ZCWPW2: variants seen among roughly 807,000 people sequenced by gnomAD.
The protein encoded by ZCWPW2 is zinc finger CW-type and PWWP domain containing 2.
Under a neutral mutation model 46.6 loss-of-function variants are expected in ZCWPW2, and 45 were observed. The ratio of observed to expected loss-of-function variants is 0.96; its 90% CI spans 0.76 to 1.24. The LOEUF (loss-of-function observed/expected upper bound fraction) is 1.24. Among genes scored for constraint, ZCWPW2 ranks in the 50% most tolerant of loss-of-function variants. The pLI, the probability that ZCWPW2 is intolerant of heterozygous loss-of-function variation, is 0.00. For missense variants in ZCWPW2, 429 were observed against 403.9 expected (o/e 1.06, Z -0.53); for synonymous variants, 152 against 137.1 (o/e 1.11, Z -0.76).
At chr3:28,502,324 A>C (rs1173972744) in intron 6 of ZCWPW2, among the ~76,000 whole-genome samples, 1 of 152,186 alleles carries the variant, frequency 6.6e-6, no homozygotes, top group Non-Finnish European at 1.5e-5. Context: ...GCAAGCAAAG[A>C]ATCCCTTGCT....
Position 28,478,817 on chromosome 3 carries a change from G to C in ZCWPW2, c.496G>C (p.Glu166Gln). 6.6e-7 allele frequency: 1 copy of C among 1,520,436 alleles called. No individual in the cohort carries two copies. The highest frequency in any genetic ancestry group is 8.8e-7 in the Non-Finnish European group (1 of 1,136,578). The allele number at this position is 1,520,436 out of a possible 1,614,324, so 94.2% of individuals were successfully genotyped here. The change falls in exon 5 of 10, where the codon GAA becomes CAA. Residue 166 changes from glutamate to glutamine, a missense_variant. Physicochemically the swap from Glu to Gln is conservative, Grantham distance 29 (BLOSUM62 2). Transcript: ENST00000383768. ...TCTTTTTTCTGTATTTATATAGCCAGAAAAGTGTAAGAATAAAAAGAAGTG... is the reference window on the plus strand; with the variant it reads ...TCTTTTTTCTGTATTTATATAGCCACAAAAGTGTAAGAATAAAAAGAAGTG... ...VGHYSITLKP[E>Q]KCKNKKKWYK...
chr3:28,369,855 G>A (rs1297817032), intron 1 of ZCWPW2, among the ~76,000 whole-genome samples: 1 of 152,200 alleles, frequency 6.6e-6, no homozygotes, highest in South Asian at 2.1e-4. Context: ...CCTCAGCAAT[G>A]GTGGGGGCCC....
rs774679567 is a variant in ZCWPW2 at position 28,413,150 on chromosome 3, A to G, written c.82A>G (p.Lys28Glu). 16 of 1,613,298 alleles carry G rather than the reference A, an allele frequency of 9.9e-6. No individual in the cohort carries two copies. Among genetic ancestry groups the G allele is most frequent in the Admixed American group, 3.3e-5 (2 of 59,896 alleles). The change falls in exon 3 of 10, where the codon AAA (lysine) becomes GAA (glutamate). Residue 28 changes from lysine to glutamate, a missense_variant. By Grantham distance (56) the Lys-to-Glu change is moderately conservative. Coordinates refer to ENST00000383768, the MANE Select transcript of ZCWPW2 (RefSeq NM_001040432.4). ...CTCAGTGGAAAACATGTATGTAAAC[A>G]AAGTGTGGGTTCAATGTGAGAATGA... ...DSSVENMYVN[K>E]VWVQCENENC...
intron 1 of ZCWPW2, among the ~76,000 whole-genome samples, chr3:28,355,214 C>A (rs1252422708): frequency 6.6e-6 from 1 of 151,690 alleles, no homozygotes; most frequent in Non-Finnish European, 1.5e-5. Flanking sequence ...CAATAACAGA[C>A]AAACAGTCAA....
At chr3:28,446,526 G>A (rs759033745) in intron 4 of ZCWPW2, among the ~76,000 whole-genome samples, 2 of 151,888 alleles carry the variant, frequency 1.3e-5, no homozygotes, top group Non-Finnish European at 2.9e-5. Flanking sequence ...AATGAAAGCA[G>A]TACTGAGGGA....
chr3:28,440,458 T>A (rs1474823022), intron 4 of ZCWPW2, among the ~76,000 whole-genome samples: 1 of 152,216 alleles, frequency 6.6e-6, no homozygotes, highest in Non-Finnish European at 1.5e-5. Flanking sequence ...TCTTGATTCC[T>A]GGACCTGTGA....
chr3:28,355,999 G>A (rs1012305382), intron 1 of ZCWPW2, among the ~76,000 whole-genome samples: 3 of 152,172 alleles, frequency 2.0e-5, no homozygotes, highest in African/African-American at 7.2e-5. Flanking sequence ...ATTGACAAAT[G>A]GAATCTAATT....
intron 3 of ZCWPW2, among the ~76,000 whole-genome samples, chr3:28,434,186 A>G (rs1275176424): frequency 6.6e-6 from 1 of 152,174 alleles, no homozygotes; most frequent in Non-Finnish European, 1.5e-5. Context: ...ATGATAAACC[A>G]AATAAAATGA....
chr3:28,427,552 A>C (rs1697067953), intron 3 of ZCWPW2, among the ~76,000 whole-genome samples: 2 of 152,190 alleles, frequency 1.3e-5, no homozygotes. Flanking sequence ...TTAGATCGGC[A>C]TGCAAGATTT....
At chr3:28,468,034 A>C (rs1398407143) in intron 4 of ZCWPW2, among the ~76,000 whole-genome samples, 1 of 152,186 alleles carries the variant, frequency 6.6e-6, no homozygotes, top group Non-Finnish European at 1.5e-5. Flanking sequence ...AGAATTCAAA[A>C]TAGCTGTTTT....
chr3:28,492,886 C>T (rs985182521), intron 6 of ZCWPW2, among the ~76,000 whole-genome samples: 3 of 151,832 alleles, frequency 2.0e-5, no homozygotes, highest in Non-Finnish European at 4.4e-5. Context: ...TGAGATTTCC[C>T]GTGTTGAGTG....
In ZCWPW2 at chr3:28,469,513, A is replaced by G. The variant is rs1400583092; in HGVS notation, c.493-9301A>G. Among the ~76,000 whole-genome samples the G allele has an allele frequency of 2.0e-5, 3 of 152,122 alleles. 1 individual carries two copies. Among genetic ancestry groups the G allele is most frequent in the Non-Finnish European group, 4.4e-5 (3 of 68,010 alleles). The stretch of plus-strand genomic sequence containing the variant: ...TAAAGACACAGGTAGACTGAAAATA[A>G]AAGATGGAAAAAGATATTCCATGCC... On this transcript the variant is annotated intron_variant, in intron 4 of 9. Transcript: ENST00000383768.
At chr3:28,349,244 C>G (rs552162861) in intron 1 of ZCWPW2, 41 bp downstream of exon 1, 1 of 978,312 alleles carries the variant, frequency 1.0e-6, no homozygotes. Flanking sequence ...GGGCCGAGGT[C>G]CCCCTTCAGG....
chr3:28,425,602 G>A (rs971238095), intron 3 of ZCWPW2, among the ~76,000 whole-genome samples: 1 of 152,132 alleles, frequency 6.6e-6, no homozygotes, highest in African/African-American at 2.4e-5. Flanking sequence ...ACATTTCAGA[G>A]TTATTCTTTC....
intron 3 of ZCWPW2, among the ~76,000 whole-genome samples, chr3:28,417,470 A>C (rs940392089): frequency 1.3e-5 from 2 of 152,156 alleles, no homozygotes; most frequent in Non-Finnish European, 2.9e-5. Flanking sequence ...TTTTGAAACT[A>C]TTCCAATCAA....
chr3:28,352,159 C>CG lies in ZCWPW2; in HGVS notation c.-134+2956_-134+2957insG, dbSNP rs1386942046. Among the ~76,000 whole-genome samples the CG allele has an allele frequency of 4.1e-5, 6 of 147,878 alleles. No homozygotes were observed. In the South Asian group the frequency reaches 6.5e-4, roughly 16 times the overall value. ...ACACACACACACACACACACACACACACACACACGAGAGAGAATTATGTAT... is the reference window on the plus strand; with the variant it reads ...ACACACACACACACACACACACACACGACACACACGAGAGAGAATTATGTAT... On this transcript the variant is annotated intron_variant, in intron 1 of 9. Transcript: ENST00000383768.
rs570529914 is a variant in ZCWPW2, at chr3:28,417,199, C to T, written c.332+3799C>T. ...AAAGGGGATATCACCACTGATCCCA[C>T]AGAAATACAAACTACCATCAGAGAA... On this transcript the variant is annotated intron_variant, in intron 3 of 9. Coordinates refer to ENST00000383768, the MANE Select transcript of ZCWPW2 (RefSeq NM_001040432.4). 2.0e-5 allele frequency among the ~76,000 whole-genome samples: 3 copies of T among 152,022 alleles called. No homozygotes were observed. The East Asian group carries it at 5.8e-4, about 29-fold the overall frequency.
intron 1 of ZCWPW2, among the ~76,000 whole-genome samples, chr3:28,367,289 T>A (rs1036810486): frequency 5.9e-5 from 9 of 152,226 alleles, no homozygotes; most frequent in Admixed American, 1.3e-4. Context: ...TTCAGTGCTA[T>A]AAATTTCCCT....
At chr3:28,481,895 A>G (rs1699441501) in intron 5 of ZCWPW2, among the ~76,000 whole-genome samples, 1 of 152,112 alleles carries the variant, frequency 6.6e-6, no homozygotes, top group Non-Finnish European at 1.5e-5. Context: ...GTTCCCATAT[A>G]TCTCCTCCTC....
Sources: allele counts gnomAD v4.1 joint callset (sites outside exome capture counted in the v4.1 genomes callset), GRCh38; gene constraint gnomAD v4.1.1; transcripts MANE v1.5; gene names NCBI Gene and HGNC (gene_info 2026-07-23, HGNC 2026-07-21).